ZNF479: variants seen among roughly 807,000 people sequenced by gnomAD.
ZNF479 encodes KRAB zinc finger protein KR19.
In ZNF479, 15 loss-of-function variants were observed where a neutral mutation model predicts 14.7. The observed-to-expected ratio is 1.02, with a 90% confidence interval of 0.68 to 1.57. The LOEUF (loss-of-function observed/expected upper bound fraction) is 1.57, where lower values mean the gene tolerates loss of function less well. ZNF479 is among the 40% of genes most tolerant of loss of function. The probability of loss-of-function intolerance (pLI) is 0.00; values close to 1 mark genes in which losing one functional copy is unlikely to be tolerated. For missense variants in ZNF479, 506 were observed against 615.1 expected, an observed-to-expected ratio of 0.82 and a Z score of 1.88; for synonymous variants, 145 against 211.5, an observed-to-expected ratio of 0.69 and a Z score of 2.73.
intron 3 of ZNF479, among the ~76,000 whole-genome samples, chr7:57,123,417 C>T (rs1583933753): frequency 6.6e-6 from 1 of 152,210 alleles, no homozygotes; most frequent in African/African-American, 2.4e-5. Flanking sequence ...GGCATCTACA[C>T]CATATCACAA....
At chr7:57,128,213 AC>A (rs2115881624) in intron 1 of ZNF479, among the ~76,000 whole-genome samples, 1 of 152,252 alleles carries the variant, frequency 6.6e-6, no homozygotes, top group African/African-American at 2.4e-5. Context: ...TGCTGGGATT[AC>A]AAGCCAAAGC....
upstream of ZNF479, among the ~76,000 whole-genome samples, chr7:57,135,081 C>T (rs570790432): frequency 2.9e-4 from 44 of 152,198 alleles, no homozygotes; most frequent in East Asian, 4.1e-3. Context: ...AAGGATGATA[C>T]CAAGGAAACC....
At chr7:57,135,507 G>C (rs1282301184), upstream of ZNF479, among the ~76,000 whole-genome samples, 1 of 152,072 alleles carries the variant, frequency 6.6e-6, no homozygotes, top group African/African-American at 2.4e-5. Flanking sequence ...CCACCTCCCA[G>C]GTTCAACCGA....
chr7:57,122,331 C>T (rs565777057), intron 3 of ZNF479, among the ~76,000 whole-genome samples: 2 of 136,102 alleles, frequency 1.5e-5, no homozygotes, highest in South Asian at 5.0e-4. Context: ...AAAACTCTTC[C>T]AGAATGAATA....
chr7:57,118,521 G>C lies in ZNF479; in HGVS notation c.*1319C>G, dbSNP rs1198351570. ...CAAGTAGCTGGGATTACAAGTGCAC[G>C]CCACCACACCCAGCTAGTTTTTCTA... On this transcript the variant is annotated 3_prime_UTR_variant, in exon 4 of 4. Coordinates refer to ENST00000319636, the MANE Select transcript of ZNF479 (RefSeq NM_001370129.2). 1.3e-5 allele frequency among the ~76,000 whole-genome samples: 2 copies of C among 151,248 alleles called. No homozygotes were observed. The highest frequency in any genetic ancestry group is 1.5e-5 in the Non-Finnish European group (1 of 67,874).
intron 1 of ZNF479, among the ~76,000 whole-genome samples, chr7:57,130,801 C>T (rs576594745): frequency 3.9e-5 from 6 of 152,212 alleles, no homozygotes; most frequent in East Asian, 1.9e-4. Flanking sequence ...GACACATGCA[C>T]GCATATGTTT....
At chr7:57,135,399 GTGTT>G (rs766634582), upstream of ZNF479, among the ~76,000 whole-genome samples, 343 of 152,008 alleles carry the variant, frequency 2.3e-3, 1 homozygote, top group Non-Finnish European at 3.3e-3. Flanking sequence ...TGCTGTCTTT[GTGTT>G]TGTTTGTTTG....
intron 1 of ZNF479, 57 bp downstream of exon 1, chr7:57,132,229 T>C: frequency 6.2e-7 from 1 of 1,613,828 alleles, no homozygotes; most frequent in East Asian, 2.2e-5. Flanking sequence ...ACAGCCACTT[T>C]CTGCCGGTTC....
At chr7:57,138,135 G>A (rs1393917797) in intron 1 of ZNF479, among the ~76,000 whole-genome samples, 1 of 152,156 alleles carries the variant, frequency 6.6e-6, no homozygotes, top group Non-Finnish European at 1.5e-5. Flanking sequence ...CTCCCTCCTA[G>A]TCTCTGCCCA....
chr7:57,129,698 T>C (rs1232499357), intron 1 of ZNF479, among the ~76,000 whole-genome samples: 4 of 152,174 alleles, frequency 2.6e-5, no homozygotes, highest in Admixed American at 2.0e-4. Context: ...TGTGATTTAA[T>C]TTTCATAGCA....
In ZNF479 at chr7:57,126,055, C is replaced by T. The variant is rs759503337; in HGVS notation, c.225G>A (p.Gln75=). Reference sequence around the variant, plus strand: ...CTACCATCTCATTTCTCTTTATATTCTGGGACTCTTTATTTTGCTCCAGAC... The same window carrying T: ...CTACCATCTCATTTCTCTTTATATTTTGGGACTCTTTATTTTGCTCCAGAC... The part of the protein sequence containing the change: ...ITCLEQNKES[Q]NIKRNEMVAK... Residue 75 remains glutamine, a synonymous_variant, in exon 3 of 4, where the codon CAG becomes CAA. Coordinates refer to ENST00000319636, the MANE Select transcript of ZNF479 (RefSeq NM_001370129.2). The T allele has an allele frequency of 7.5e-6, 12 of 1,604,230 alleles. No homozygotes were observed. In the Admixed American group the frequency reaches 8.4e-5, roughly 11 times the overall value.
chr7:57,120,317 C>T lies in ZNF479; in HGVS notation c.1098G>A (p.Ser366=), dbSNP rs372917800. The change falls in exon 4 of 4, where the codon TCG becomes TCA. Residue 366 remains serine (S), a synonymous_variant. Transcript: ENST00000319636. ...GAATTCTCCTATGTCTCATAAGGTT[C>T]GAGGATAAGCTAAAGGCTTGGCCAC... ...EECGQAFSLS[S]NLMRHRRIHT... 101 of 1,602,456 alleles carry T rather than the reference C, an allele frequency of 6.3e-5. No individual in the cohort carries two copies. Among genetic ancestry groups the T allele is most frequent in the Admixed American group, 1.4e-4 (8 of 58,958 alleles).
In ZNF479 at chr7:57,123,164, A is replaced by G. The variant is rs533012660; in HGVS notation, c.263-2012T>C. Among the ~76,000 whole-genome samples the G allele has an allele frequency of 2.7e-4, 41 of 152,340 alleles. 1 individual carries two copies. The East Asian group carries it at 6.0e-3, about 22-fold the overall frequency. On this transcript the variant is annotated intron_variant, in intron 3 of 3. Transcript: ENST00000319636. ...GCATCTGCTTCTGGTGAGGATATGA[A>G]GAAGCTTACAATTATAGTGGAAGGC... is the stretch of plus-strand genomic sequence containing the variant.
At chr7:57,134,706 G>T, upstream of ZNF479, among the ~76,000 whole-genome samples, 1 of 116,556 alleles carries the variant, frequency 8.6e-6, no homozygotes, top group African/African-American at 3.3e-5. Flanking sequence ...ACAGCATCCT[G>T]CTCTGTCACC....
rs377432158 is a variant in ZNF479, at chr7:57,121,056, T to G, written c.359A>C (p.His120Pro). 60 of 1,613,848 alleles carry G rather than the reference T, an allele frequency of 3.7e-5. No homozygotes were observed. The highest frequency in any genetic ancestry group is 5.0e-5 in the Non-Finnish European group (59 of 1,179,942). ...VIPRTYGKCG[H>P]EKLQFKKCCK... Reference sequence around the variant, plus strand: ...GCATTTTTTAAATTGTAATTTCTCATGTCCACATTTTCCATATGTTCTTGG... The same window carrying G: ...GCATTTTTTAAATTGTAATTTCTCAGGTCCACATTTTCCATATGTTCTTGG... Residue 120 changes from histidine to proline, a missense_variant, in exon 4 of 4, where the codon CAT (histidine) becomes CCT (proline). Coordinates refer to ENST00000319636, the MANE Select transcript of ZNF479 (RefSeq NM_001370129.2).
At position 57,132,383 on chromosome 7, in the gene ZNF479, G is replaced by A. The variant is rs1786472900; in HGVS notation, c.-59C>T. On this transcript the variant is annotated 5_prime_UTR_variant, in exon 1 of 4. Coordinates refer to ENST00000319636, the MANE Select transcript of ZNF479 (RefSeq NM_001370129.2). ...ATAGGCTTGGCCTCTAGGAGCAGAG[G>A]ACACAGAGCAGTGAAGAGGAGAACT... 1 of 1,613,212 alleles carries A rather than the reference G, an allele frequency of 6.2e-7. No homozygotes were observed. Among genetic ancestry groups the A allele is most frequent in the Admixed American group, 1.7e-5 (1 of 59,988 alleles).
At chr7:57,133,684 G>C (rs1786527700), upstream of ZNF479, among the ~76,000 whole-genome samples, 1 of 152,154 alleles carries the variant, frequency 6.6e-6, no homozygotes, top group Admixed American at 6.5e-5. Flanking sequence ...TGGCTTACAT[G>C]ATGAAACCCC....
Position 57,127,024 on chromosome 7 carries a change from TTC to T in ZNF479, c.40-308_40-307del, listed in dbSNP as rs1293251186. On this transcript the variant is annotated intron_variant, in intron 1 of 3. Coordinates refer to ENST00000319636, the MANE Select transcript of ZNF479 (RefSeq NM_001370129.2). ...TTTCTTTTCTGTTTTTCTTTTTTTT[TTC>T]TTTTTTTTTTTTTTGAGACCGAGTC... is the stretch of plus-strand genomic sequence containing the variant. 8.5e-3 allele frequency among the ~76,000 whole-genome samples: 707 copies of T among 83,668 alleles called. 12 individuals carry two copies. Among genetic ancestry groups the T allele is most frequent in the South Asian group, 0.025 (51 of 2,060 alleles). 54.9% of individuals were successfully genotyped at this position (83,668 alleles called of 152,430 possible).
chr7:57,139,393 C>G (rs1053804235), intron 1 of ZNF479, among the ~76,000 whole-genome samples: 1 of 152,228 alleles, frequency 6.6e-6, no homozygotes, highest in Non-Finnish European at 1.5e-5. Flanking sequence ...CTCATGCACA[C>G]AGCCAGTCCA....
Sources: gnomAD v4.1 joint callset for allele counts (sites outside exome capture counted in the v4.1 genomes callset) on GRCh38, gnomAD v4.1.1 for gene constraint, MANE v1.5 for transcripts, NCBI Gene and HGNC (gene_info 2026-07-23, HGNC 2026-07-21) for gene names.